WDR19: variants seen among roughly 807,000 people sequenced by gnomAD.
WDR19 encodes the protein WD repeat domain 19.
Under a neutral mutation model 180.0 loss-of-function variants are expected in WDR19, and 121 were observed. The ratio of observed to expected loss-of-function variants is 0.67; its 90% CI spans 0.58 to 0.78. The LOEUF is 0.78. Among genes scored for constraint, WDR19 ranks in the 30% least tolerant of loss-of-function variants. The pLI is 0.00. For synonymous variants in WDR19, 497 were observed against 540.7 expected (o/e 0.92, Z 1.12); for missense variants, 1,450 against 1,640.7 (o/e 0.88, Z 2.01).
intron 20 of WDR19, among the ~76,000 whole-genome samples, chr4:39,235,161 C>T (rs1000400434): frequency 6.6e-6 from 1 of 152,038 alleles, no homozygotes; most frequent in Non-Finnish European, 1.5e-5. Context: ...GGATCTCTCT[C>T]TGTTACCCAG....
At chr4:39,257,664 C>T in intron 28 of WDR19, 110 bp downstream of exon 28, 1 of 945,116 alleles carries the variant, frequency 1.1e-6, no homozygotes, top group Non-Finnish European at 1.6e-6. Context: ...CAAACCCCTA[C>T]ATACCTATCG....
At position 39,257,564 on chromosome 4, in the gene WDR19, C is replaced by T; in HGVS notation, c.3183+10C>T. On this transcript the variant is annotated intron_variant, in intron 28 of 36. Coordinates refer to ENST00000399820, the MANE Select transcript of WDR19 (RefSeq NM_025132.4). ...AATGGCAATTGAAACTGTAAGTACG[C>T]TTTCAATGAAACTTTCAATAATGCC... 6.4e-7 allele frequency: 1 copy of T among 1,569,002 alleles called. No homozygotes were observed. Among genetic ancestry groups the T allele is most frequent in the Non-Finnish European group, 8.6e-7 (1 of 1,157,598 alleles).
chr4:39,186,252 G>C (rs2109742387), intron 2 of WDR19, among the ~76,000 whole-genome samples: 1 of 152,216 alleles, frequency 6.6e-6, no homozygotes, highest in South Asian at 2.1e-4. Context: ...GGCCAAGGCA[G>C]GCAGATCACT....
At chr4:39,275,972 G>T (rs1735852363) in intron 33 of WDR19, among the ~76,000 whole-genome samples, 1 of 152,166 alleles carries the variant, frequency 6.6e-6, no homozygotes, top group African/African-American at 2.4e-5. Flanking sequence ...TTTTTCTAAA[G>T]AAAAACTAGG....
In WDR19 at chr4:39,225,013, G is replaced by A; in HGVS notation, c.1609G>A (p.Asp537Asn). The part of the protein sequence containing the change: ...TRLVFIDEKS[D>N]GFVYCPVNDA... The stretch of plus-strand genomic sequence containing the variant: ...ATTAGTTTTCATTGATGAAAAAAGT[G>A]ATGGATTTGTTTACTGTCCAGTAAG... Residue 537 changes from aspartate (D) to asparagine (N), a missense_variant, in exon 15 of 37, where the codon GAT becomes AAT. Coordinates refer to ENST00000399820, the MANE Select transcript of WDR19 (RefSeq NM_025132.4). The A allele has an allele frequency of 6.4e-7, 1 of 1,564,584 alleles. No individual in the cohort carries two copies. The highest frequency in any genetic ancestry group is 2.0e-5 in the Admixed American group (1 of 51,002).
At chr4:39,281,236 T>TATATATAGAGAGAGAGAGAGAGAGAG (rs762298152) in intron 36 of WDR19, among the ~76,000 whole-genome samples, 6 of 104,006 alleles carry the variant, frequency 5.8e-5, no homozygotes, top group South Asian at 3.1e-4. Flanking sequence ...TATATATATA[T>TATATATAGAGAGAGAGAGAGAGAGAG]AGAGAGAGAG....
intron 28 of WDR19, among the ~76,000 whole-genome samples, chr4:39,264,737 G>A (rs1043864522): frequency 1.3e-5 from 2 of 151,956 alleles, no homozygotes; most frequent in African/African-American, 4.8e-5. Flanking sequence ...CTTTTTAATA[G>A]ACACACAATT....
intron 21 of WDR19, among the ~76,000 whole-genome samples, chr4:39,243,387 T>C (rs1732174743): frequency 1.3e-5 from 2 of 152,204 alleles, no homozygotes; most frequent in Admixed American, 6.5e-5. Flanking sequence ...TTTATGTATA[T>C]TTGATTATTG....
intron 4 of WDR19, among the ~76,000 whole-genome samples, chr4:39,191,128 A>G (rs1291888351): frequency 6.6e-6 from 1 of 152,212 alleles, no homozygotes; most frequent in Non-Finnish European, 1.5e-5. Context: ...CGTAATTGTC[A>G]TTAAAATAAA....
intron 36 of WDR19, among the ~76,000 whole-genome samples, chr4:39,280,119 GTTTT>G (rs551041321): frequency 1.9e-3 from 102 of 53,964 alleles, no homozygotes; most frequent in African/African-American, 5.4e-3. Flanking sequence ...CCCTTTTCTT[GTTTT>G]TTTTTTTTTT....
intron 28 of WDR19, among the ~76,000 whole-genome samples, chr4:39,262,329 C>T (rs1287979122): frequency 6.6e-6 from 1 of 152,150 alleles, no homozygotes; most frequent in Non-Finnish European, 1.5e-5. Context: ...ACTGCAGCCT[C>T]GACCTCCTGG....
intron 15 of WDR19, among the ~76,000 whole-genome samples, chr4:39,227,715 G>C (rs1288403129): frequency 6.6e-6 from 1 of 152,108 alleles, no homozygotes; most frequent in Non-Finnish European, 1.5e-5. Flanking sequence ...TGGATGTTGA[G>C]GGATGATTGT....
intron 15 of WDR19, among the ~76,000 whole-genome samples, 172 bp downstream of exon 15, chr4:39,225,205 C>A (rs1207436321): frequency 1.3e-5 from 2 of 152,102 alleles, no homozygotes; most frequent in African/African-American, 4.8e-5. Flanking sequence ...ATCAAGAAAA[C>A]TTTTTCCATT....
intron 20 of WDR19, among the ~76,000 whole-genome samples, chr4:39,238,839 G>A (rs184869970): frequency 6.6e-6 from 1 of 152,268 alleles, no homozygotes; most frequent in Non-Finnish European, 1.5e-5. Context: ...TGGTTTCTTA[G>A]AGGAAGATAG....
At chr4:39,250,049 G>A (rs1368239441) in intron 24 of WDR19, among the ~76,000 whole-genome samples, 1 of 152,110 alleles carries the variant, frequency 6.6e-6, no homozygotes, top group Non-Finnish European at 1.5e-5. Flanking sequence ...CGAAAAAAGA[G>A]AATTTTAGAC....
At chr4:39,250,233 T>A (rs1473112696) in intron 24 of WDR19, among the ~76,000 whole-genome samples, 2 of 152,092 alleles carry the variant, frequency 1.3e-5, no homozygotes. Flanking sequence ...ATCCAGCATA[T>A]AAACAGAACC....
At chr4:39,209,577 T>C (rs1728285768) in intron 9 of WDR19, among the ~76,000 whole-genome samples, 1 of 151,906 alleles carries the variant, frequency 6.6e-6, no homozygotes, top group Non-Finnish European at 1.5e-5. Flanking sequence ...CCGGGCATGG[T>C]GGTGCATGCC....
chr4:39,225,032 C>T lies in WDR19; in HGVS notation c.1628C>T (p.Pro543Leu). 6.5e-7 allele frequency: 1 copy of T among 1,546,786 alleles called. No homozygotes were observed. Among genetic ancestry groups the T allele is most frequent in the East Asian group, 2.3e-5 (1 of 42,878 alleles). ...DEKSDGFVYCPVNDATYEIPD... is the reference protein window; with the variant it reads ...DEKSDGFVYCLVNDATYEIPD... ...AAAAGTGATGGATTTGTTTACTGTC[C>T]AGTAAGTCTGGAACATTTTTAAATG... The change falls in exon 15 of 37, where the codon CCA becomes CTA. Residue 543 changes from proline (P) to leucine (L), a missense_variant and splice_region_variant. Physicochemically the swap from Pro to Leu is moderately conservative, Grantham distance 98. Coordinates refer to ENST00000399820, the MANE Select transcript of WDR19 (RefSeq NM_025132.4).
At chr4:39,280,774 C>A (rs566588067) in intron 36 of WDR19, among the ~76,000 whole-genome samples, 1 of 152,148 alleles carries the variant, frequency 6.6e-6, no homozygotes, top group Admixed American at 6.5e-5. Context: ...GGCAACATAG[C>A]GAGATCCCAT....
Sources: allele counts gnomAD v4.1 joint callset (sites outside exome capture counted in the v4.1 genomes callset), GRCh38; gene constraint gnomAD v4.1.1; transcripts MANE v1.5; gene names NCBI Gene and HGNC (gene_info 2026-07-23, HGNC 2026-07-21).